RALY: variants seen among roughly 807,000 people sequenced by gnomAD.
RALY encodes the protein RNA-binding protein Raly.
A neutral mutation model predicts 30.7 loss-of-function variants in RALY; 15 were observed. The observed-to-expected ratio is 0.49, with a 90% confidence interval of 0.33 to 0.75. The LOEUF (loss-of-function observed/expected upper bound fraction) is 0.75, where lower values mean the gene tolerates loss of function less well. Ranked by LOEUF, RALY falls within the 30% of genes least tolerant of loss-of-function variation. The pLI, the probability that RALY is intolerant of heterozygous loss-of-function variation, is 0.02. For synonymous variants in RALY, 177 were observed against 170.8 expected (o/e 1.04, Z -0.28); for missense variants, 339 against 414.3 (o/e 0.82, Z 1.58).
At position 34,082,713 on chromosome 20, in the gene RALY, C is replaced by A. The variant is rs903987660; in HGVS notation, c.*2808C>A. 14 of 152,196 alleles carry A rather than the reference C, an allele frequency of 9.2e-5. No individual in the cohort carries two copies. Among genetic ancestry groups the A allele is most frequent in the Admixed American group, 2.6e-4 (4 of 15,278 alleles). 9.4% of individuals were successfully genotyped at this position (152,196 alleles called of 1,614,324 possible). The stretch of plus-strand genomic sequence containing the variant: ...CCCCTGGGAAAGCACACAGCCAGGC[C>A]CTTGGGTGGGAGGTTGGCTTCTAAC... On this transcript the variant is annotated 3_prime_UTR_variant, in exon 10 of 10. Coordinates refer to ENST00000246194, the MANE Select transcript of RALY (RefSeq NM_016732.3).
At chr20:33,997,669 G>T (rs983629401) in intron 1 of RALY, among the ~76,000 whole-genome samples, 2 of 152,184 alleles carry the variant, frequency 1.3e-5, no homozygotes, top group Admixed American at 6.5e-5. Flanking sequence ...GATGTTTATG[G>T]ATACTCACTG....
chr20:34,027,743 G>A (rs2032097633), intron 1 of RALY, among the ~76,000 whole-genome samples: 1 of 152,204 alleles, frequency 6.6e-6, no homozygotes. Flanking sequence ...TGACTAATTA[G>A]ATAGAAGGTT....
At chr20:34,038,835 G>A (rs2032595031) in intron 2 of RALY, among the ~76,000 whole-genome samples, 1 of 152,144 alleles carries the variant, frequency 6.6e-6, no homozygotes, top group Non-Finnish European at 1.5e-5. Context: ...GTTGCTAGTA[G>A]ATGAAGAAAA....
chr20:34,038,392 C>T (rs1307105526), intron 2 of RALY, among the ~76,000 whole-genome samples: 1 of 152,040 alleles, frequency 6.6e-6, no homozygotes, highest in African/African-American at 2.4e-5. Context: ...GTTCTAGAAC[C>T]TTGAGATGAG....
intron 2 of RALY, among the ~76,000 whole-genome samples, chr20:34,070,510 C>G (rs919712148): frequency 6.6e-6 from 1 of 152,022 alleles, no homozygotes; most frequent in Non-Finnish European, 1.5e-5. Context: ...AAAATTTGAA[C>G]GAGTTAGTAT....
chr20:34,069,450 C>T (rs1055810749), intron 2 of RALY, among the ~76,000 whole-genome samples: 4 of 152,126 alleles, frequency 2.6e-5, no homozygotes, highest in African/African-American at 7.2e-5. Flanking sequence ...AGAGGTCACT[C>T]TTTGTATCTC....
intron 2 of RALY, among the ~76,000 whole-genome samples, chr20:34,041,998 A>G (rs186349487): frequency 5.3e-4 from 80 of 152,226 alleles, no homozygotes; most frequent in African/African-American, 1.8e-3. Context: ...CCAGCTATTC[A>G]GGAGGCTGAG....
At chr20:34,015,811 C>T (rs1302435762) in intron 1 of RALY, among the ~76,000 whole-genome samples, 1 of 152,022 alleles carries the variant, frequency 6.6e-6, no homozygotes, top group Non-Finnish European at 1.5e-5. Flanking sequence ...CCTACTTTTC[C>T]CCATCCCTAC....
intron 2 of RALY, among the ~76,000 whole-genome samples, chr20:34,061,985 C>T (rs993592417): frequency 3.3e-5 from 5 of 152,220 alleles, no homozygotes; most frequent in Non-Finnish European, 7.3e-5. Context: ...AAGTCCCTTT[C>T]TCTGAGACTT....
At chr20:34,013,673 A>C (rs2031498917) in intron 1 of RALY, among the ~76,000 whole-genome samples, 1 of 152,226 alleles carries the variant, frequency 6.6e-6, no homozygotes, top group South Asian at 2.1e-4. Context: ...TACAGGATTT[A>C]TAGCAGGCCC....
chr20:34,027,646 A>G (rs936410064), intron 1 of RALY, among the ~76,000 whole-genome samples: 12 of 152,234 alleles, frequency 7.9e-5, no homozygotes, highest in African/African-American at 1.9e-4. Context: ...ACTGTTCTCA[A>G]TCATCTGTGC....
At chr20:34,040,495 A>G (rs553367640) in intron 2 of RALY, among the ~76,000 whole-genome samples, 1 of 152,334 alleles carries the variant, frequency 6.6e-6, no homozygotes, top group Admixed American at 6.5e-5. Flanking sequence ...ATAGCACAAC[A>G]GACTCTCCAA....
At chr20:33,998,891 C>CTGAGG in intron 1 of RALY, among the ~76,000 whole-genome samples, 1 of 151,824 alleles carries the variant, frequency 6.6e-6, no homozygotes, top group Admixed American at 6.6e-5. Context: ...CTTTGGGAGG[C>CTGAGG]TGAGGTGGGT....
chr20:34,033,858 T>C (rs1302100230), intron 2 of RALY, among the ~76,000 whole-genome samples: 2 of 152,200 alleles, frequency 1.3e-5, no homozygotes, highest in Non-Finnish European at 2.9e-5. Flanking sequence ...GTAAATCTTC[T>C]TCTGTGCCCT....
At chr20:34,076,135 A>G in intron 6 of RALY, 95 bp downstream of exon 6, 1 of 1,409,006 alleles carries the variant, frequency 7.1e-7, no homozygotes, top group South Asian at 1.3e-5. Context: ...AGATAAAACA[A>G]CAAGTCTTCC....
chr20:34,072,404 TTCTC>T (rs1423311890), intron 3 of RALY, 74 bp downstream of exon 3: 2 of 1,485,326 alleles, frequency 1.3e-6, no homozygotes, highest in African/African-American at 1.4e-5. Context: ...CTCAACCCCC[TTCTC>T]TCTTTCTCTC....
intron 5 of RALY, 118 bp from the exon 6 acceptor site, chr20:34,075,756 G>A (rs2033856044): frequency 8.8e-7 from 1 of 1,133,742 alleles, no homozygotes; most frequent in Non-Finnish European, 1.2e-6. Flanking sequence ...AGCCAGCAGA[G>A]GTGTGTAGTG....
At chr20:34,003,375 C>T (rs559328922) in intron 1 of RALY, among the ~76,000 whole-genome samples, 2 of 152,024 alleles carry the variant, frequency 1.3e-5, no homozygotes, top group African/African-American at 2.4e-5. Context: ...ATCCATCAGT[C>T]ATTTGTCAGT....
At chr20:34,037,244 C>G (rs929929294) in intron 2 of RALY, among the ~76,000 whole-genome samples, 2 of 152,170 alleles carry the variant, frequency 1.3e-5, no homozygotes, top group Non-Finnish European at 2.9e-5. Flanking sequence ...CCATAGTGCT[C>G]GGCAGCCTGG....
Sources: allele counts gnomAD v4.1 joint callset (sites outside exome capture counted in the v4.1 genomes callset), GRCh38; gene constraint gnomAD v4.1.1; transcripts MANE v1.5; gene names NCBI Gene and HGNC (gene_info 2026-07-23, HGNC 2026-07-21).